PIAS2: variants seen among roughly 807,000 people sequenced by gnomAD.
The protein encoded by PIAS2 is E3 SUMO-protein ligase PIAS2.
PIAS2 carries 19 observed loss-of-function variants against 69.7 expected under a neutral mutation model. That is an observed-to-expected ratio of 0.27 (90% CI 0.19 to 0.40). The LOEUF is 0.40. PIAS2 is among the 10% of genes least tolerant of loss of function. The pLI is 1.00. For missense variants in PIAS2, 624 were observed against 757.0 expected, an observed-to-expected ratio of 0.82 and a Z score of 2.06; for synonymous variants, 261 against 263.2, an observed-to-expected ratio of 0.99 and a Z score of 0.08.
At chr18:46,903,009 T>C (rs1356815749) in intron 1 of PIAS2, among the ~76,000 whole-genome samples, 3 of 152,158 alleles carry the variant, frequency 2.0e-5, no homozygotes, top group Non-Finnish European at 4.4e-5. Context: ...TGGACACCCA[T>C]AGACAGAAAA....
rs556703452 is a variant in PIAS2, at chr18:46,844,935, A to G, written c.862-96T>C. 153 of 487,142 alleles carry G rather than the reference A, an allele frequency of 3.1e-4. 1 individual carries two copies. The highest frequency in any genetic ancestry group is 2.8e-3 in the African/African-American group (140 of 50,248). The allele number at this position is 487,142 out of a possible 1,614,324, so 30.2% of individuals were successfully genotyped here. ...ATTTAAGAAACTCTGGTTTCTAAAAATAACATTCAAAATAACTTCCATGGA... is the reference window on the plus strand; with the variant it reads ...ATTTAAGAAACTCTGGTTTCTAAAAGTAACATTCAAAATAACTTCCATGGA... On this transcript the variant is annotated intron_variant, in intron 6 of 13. Transcript: ENST00000585916.
chr18:46,812,837 T>A lies in PIAS2; in HGVS notation c.1687-225A>T, dbSNP rs534388461. 3.9e-5 allele frequency among the ~76,000 whole-genome samples: 6 copies of A among 152,282 alleles called. No individual in the cohort carries two copies. In the South Asian group the frequency reaches 8.3e-4, roughly 21 times the overall value. On this transcript the variant is annotated intron_variant, in intron 13 of 13. Transcript: ENST00000585916. ...ATATTCTTGATTCTCTCTAAACTTG[T>A]GGAACTTGTTTGCTGACCACATACA...
In PIAS2 at chr18:46,822,104, C is replaced by T. The variant is rs543960601; in HGVS notation, c.1509-1032G>A. On this transcript the variant is annotated intron_variant, in intron 11 of 13. Transcript: ENST00000585916. ...GCATCCTTTCCCTTTCCTGTTATTG[C>T]TGATTATTAAATATCAGTAATGAGA... Among the ~76,000 whole-genome samples, 66 of 152,238 alleles carry T rather than the reference C, an allele frequency of 4.3e-4. 1 individual carries two copies. The South Asian group carries it at 0.013, about 31-fold the overall frequency.
chr18:46,814,421 A>G (rs2041291216), intron 13 of PIAS2, among the ~76,000 whole-genome samples: 1 of 152,192 alleles, frequency 6.6e-6, no homozygotes, highest in East Asian at 1.9e-4. Flanking sequence ...TCCTAGAAAA[A>G]TACATAGACA....
chr18:46,910,016 G>C (rs909047173), intron 1 of PIAS2, among the ~76,000 whole-genome samples: 3 of 151,968 alleles, frequency 2.0e-5, no homozygotes, highest in East Asian at 1.9e-4. Flanking sequence ...AAAATTAGCC[G>C]GGCATGGTGC....
chr18:46,911,965 C>A (rs1274168510), intron 1 of PIAS2, among the ~76,000 whole-genome samples: 1 of 152,064 alleles, frequency 6.6e-6, no homozygotes, highest in Non-Finnish European at 1.5e-5. Context: ...GCAGGAGAAT[C>A]GCTTGAACCC....
intron 3 of PIAS2, among the ~76,000 whole-genome samples, chr18:46,856,455 C>A (rs1391444909): frequency 1.3e-5 from 2 of 152,086 alleles, no homozygotes; most frequent in African/African-American, 2.4e-5. Flanking sequence ...CCATACCATG[C>A]AACTTCATAA....
chr18:46,892,157 T>G (rs1003904510), intron 1 of PIAS2, among the ~76,000 whole-genome samples: 3 of 152,062 alleles, frequency 2.0e-5, no homozygotes, highest in African/African-American at 7.2e-5. Context: ...ATAGTGGAAA[T>G]GTGGGGCAGT....
Position 46,874,961 on chromosome 18 carries a change from G to A in PIAS2, c.500-10713C>T, listed in dbSNP as rs557918509. Among the ~76,000 whole-genome samples, 6 of 152,196 alleles carry A rather than the reference G, an allele frequency of 3.9e-5. No individual in the cohort carries two copies. In the South Asian group the frequency reaches 6.2e-4, roughly 16 times the overall value. On this transcript the variant is annotated intron_variant, in intron 2 of 13. Transcript: ENST00000585916. ...AAAAGGGGATGGACAGACCACACGC[G>A]AGTGAAAGGAGTGGCTTCCACAGCC...
At chr18:46,818,060 T>G (rs545949565) in intron 12 of PIAS2, 63 of 997,052 alleles carry the variant, frequency 6.3e-5, no homozygotes, top group Non-Finnish European at 7.5e-5. Flanking sequence ...AAGCAGGTAG[T>G]GTTAACATTA....
At chr18:46,878,904 C>T (rs1196365569) in intron 2 of PIAS2, among the ~76,000 whole-genome samples, 3 of 152,098 alleles carry the variant, frequency 2.0e-5, no homozygotes, top group Admixed American at 6.6e-5. Context: ...TGCTTCCTAG[C>T]GGTTACTGCC....
chr18:46,828,212 T>C (rs2043087628), intron 10 of PIAS2, 82 bp from the exon 11 acceptor site: 1 of 1,233,026 alleles, frequency 8.1e-7, no homozygotes, highest in Middle Eastern at 2.6e-4. Context: ...GTATATTCAG[T>C]ATAGTATGTT....
At chr18:46,878,469 A>C (rs1030614851) in intron 2 of PIAS2, among the ~76,000 whole-genome samples, 1 of 152,232 alleles carries the variant, frequency 6.6e-6, no homozygotes, top group African/African-American at 2.4e-5. Flanking sequence ...TAATGTGCCT[A>C]AATGTTAAAT....
chr18:46,825,213 C>A (rs2042692431), intron 11 of PIAS2, among the ~76,000 whole-genome samples: 1 of 151,994 alleles, frequency 6.6e-6, no homozygotes, highest in African/African-American at 2.4e-5. Context: ...CAACCAAGAA[C>A]AAAGTCACAA....
chr18:46,901,033 C>A, intron 1 of PIAS2: 1 of 411,704 alleles, frequency 2.4e-6, no homozygotes, highest in African/African-American at 2.1e-5. Flanking sequence ...ATAATTTCTT[C>A]CAGAAAACAG....
At chr18:46,861,959 T>A (rs1216507967) in intron 3 of PIAS2, among the ~76,000 whole-genome samples, 1 of 152,266 alleles carries the variant, frequency 6.6e-6, no homozygotes, top group South Asian at 2.1e-4. Flanking sequence ...GATATAAGAT[T>A]TAATATTAAA....
chr18:46,821,112 G>C, intron 11 of PIAS2, 40 bp from the exon 12 acceptor site: 1 of 1,608,136 alleles, frequency 6.2e-7, no homozygotes, highest in South Asian at 1.1e-5. Context: ...CAATCTGGCT[G>C]TTAGTTCACA....
At chr18:46,829,585 A>C (rs1311599825) in intron 10 of PIAS2, 149 bp downstream of exon 10, 1 of 665,350 alleles carries the variant, frequency 1.5e-6, no homozygotes, top group Non-Finnish European at 2.6e-6. Flanking sequence ...CCTTCAGGAA[A>C]GAATAAAAAT....
chr18:46,803,882 C>T lies in PIAS2; in HGVS notation c.*8551G>A, dbSNP rs1394318697. On this transcript the variant is annotated 3_prime_UTR_variant, in exon 14 of 14. Coordinates refer to ENST00000585916, the MANE Select transcript of PIAS2 (RefSeq NM_004671.5). ...ACTCCCATATTATCCCCACTGTGCACTGCTCTACCCACCCCTCATTAATGG... is the reference window on the plus strand; with the variant it reads ...ACTCCCATATTATCCCCACTGTGCATTGCTCTACCCACCCCTCATTAATGG... 1.3e-5 allele frequency: 2 copies of T among 152,228 alleles called. No homozygotes were observed. The highest frequency in any genetic ancestry group is 2.9e-5 in the Non-Finnish European group (2 of 68,074). The allele number at this position is 152,228 out of a possible 1,614,324, so 9.4% of individuals were successfully genotyped here. A position where few individuals can be genotyped will look rare whatever the true frequency, so the allele number is the denominator to read the frequency against.
Sources: allele counts gnomAD v4.1 joint callset (sites outside exome capture counted in the v4.1 genomes callset), GRCh38; gene constraint gnomAD v4.1.1; transcripts MANE v1.5; gene names NCBI Gene and HGNC (gene_info 2026-07-23, HGNC 2026-07-21).